Variants in PCDH17 observed in about 807,000 individuals in gnomAD.
The protein encoded by PCDH17 is protocadherin 17, also known as protocadherin-17.
Under a neutral mutation model 67.7 loss-of-function variants are expected in PCDH17, and 21 were observed. The ratio of observed to expected loss-of-function variants is 0.31; its 90% CI spans 0.22 to 0.45. The LOEUF is 0.45. Among genes scored for constraint, PCDH17 ranks in the 20% least tolerant of loss-of-function variants. The probability of loss-of-function intolerance (pLI) is 1.00; values close to 1 mark genes in which losing one functional copy is unlikely to be tolerated. For missense variants in PCDH17, 1,471 were observed against 1,564.8 expected, an observed-to-expected ratio of 0.94 and a Z score of 1.01; for synonymous variants, 701 against 656.7, an observed-to-expected ratio of 1.07 and a Z score of -1.03.
At chr13:57,704,701 A>G (rs770578487) in intron 3 of PCDH17, among the ~76,000 whole-genome samples, 1 of 152,084 alleles carries the variant, frequency 6.6e-6, no homozygotes, top group Non-Finnish European at 1.5e-5. Context: ...TTTCATTTAA[A>G]GAAATTGAAA....
At chr13:57,693,315 CATATATATATATATAT>C (rs59643529) in intron 3 of PCDH17, among the ~76,000 whole-genome samples, 1 of 89,360 alleles carries the variant, frequency 1.1e-5, no homozygotes, top group Admixed American at 1.2e-4. Flanking sequence ...CACTTACATT[CATATATATATATATAT>C]ATATATATAT....
chr13:57,654,798 A>T (rs1955083846), intron 1 of PCDH17, among the ~76,000 whole-genome samples: 1 of 152,018 alleles, frequency 6.6e-6, no homozygotes, highest in Admixed American at 6.5e-5. Flanking sequence ...TAAATGTGGT[A>T]TATATTCTTA....
intron 3 of PCDH17, among the ~76,000 whole-genome samples, chr13:57,676,200 A>G (rs1017467135): frequency 1.3e-5 from 2 of 151,920 alleles, no homozygotes; most frequent in Non-Finnish European, 2.9e-5. Flanking sequence ...GAACATTTGA[A>G]ATTTTTTTCC....
chr13:57,709,367 G>T (rs553292700), intron 3 of PCDH17, among the ~76,000 whole-genome samples: 1 of 151,708 alleles, frequency 6.6e-6, no homozygotes, highest in South Asian at 2.1e-4. Context: ...TTTATTTAAG[G>T]TTAATGAATG....
At chr13:57,653,295 G>A (rs557821122) in intron 1 of PCDH17, among the ~76,000 whole-genome samples, 1 of 152,170 alleles carries the variant, frequency 6.6e-6, no homozygotes, top group South Asian at 2.1e-4. Context: ...GAGCTGAATA[G>A]TTAGGAAGAA....
rs1955932043 is a variant in PCDH17, at chr13:57,728,637, T to C, written c.*3343T>C. 1 of 151,940 alleles carries C rather than the reference T, an allele frequency of 6.6e-6. No individual in the cohort carries two copies. The highest frequency in any genetic ancestry group is 1.5e-5 in the Non-Finnish European group (1 of 67,938). 9.4% of individuals were successfully genotyped at this position (151,940 alleles called of 1,614,324 possible). A position where few individuals can be genotyped will look rare whatever the true frequency, so the allele number is the denominator to read the frequency against. On this transcript the variant is annotated 3_prime_UTR_variant, in exon 4 of 4. Coordinates refer to ENST00000377918, the MANE Select transcript of PCDH17 (RefSeq NM_001040429.3). ...CATTAAAGAGACATATCATGCAATT[T>C]CAAAGAATTCTTTCATGCTATTTCT... is the stretch of plus-strand genomic sequence containing the variant.
chr13:57,631,395 C>T (rs941760503), upstream of PCDH17, among the ~76,000 whole-genome samples: 2 of 152,154 alleles, frequency 1.3e-5, no homozygotes, highest in African/African-American at 4.8e-5. Flanking sequence ...CGGCCTCCCC[C>T]CTCCTCCTTT....
intron 3 of PCDH17, among the ~76,000 whole-genome samples, chr13:57,719,252 A>G (rs1175681788): frequency 6.6e-6 from 1 of 152,084 alleles, no homozygotes; most frequent in Non-Finnish European, 1.5e-5. Flanking sequence ...TACCACAGTA[A>G]TAGGAGAACA....
Position 57,726,292 on chromosome 13 carries a change from T to C in PCDH17, c.*998T>C, listed in dbSNP as rs1955916095. 1 of 152,658 alleles carries C rather than the reference T, an allele frequency of 6.6e-6. No individual in the cohort carries two copies. The highest frequency in any genetic ancestry group is 2.4e-5 in the African/African-American group (1 of 41,462). 9.5% of individuals were successfully genotyped at this position (152,658 alleles called of 1,614,324 possible). A position where few individuals can be genotyped will look rare whatever the true frequency, so the allele number is the denominator to read the frequency against. On this transcript the variant is annotated 3_prime_UTR_variant, in exon 4 of 4. Transcript: ENST00000377918. ...TGTGCAAATGTAAGAAGATTCAATG[T>C]GTTTACATCAAATGACATATTTTAT...
chr13:57,721,091 C>T (rs558338484), intron 3 of PCDH17, among the ~76,000 whole-genome samples: 4 of 152,076 alleles, frequency 2.6e-5, no homozygotes, highest in Admixed American at 1.3e-4. Context: ...CAGAACTGCC[C>T]ACAGTCCCAC....
intron 3 of PCDH17, among the ~76,000 whole-genome samples, chr13:57,702,163 C>A (rs1301097828): frequency 6.6e-6 from 1 of 152,008 alleles, no homozygotes; most frequent in East Asian, 1.9e-4. Context: ...GGTGATCCAC[C>A]GCCTCGGCCT....
At chr13:57,675,403 A>G (rs1323964304) in intron 3 of PCDH17, among the ~76,000 whole-genome samples, 1 of 151,954 alleles carries the variant, frequency 6.6e-6, no homozygotes, top group Non-Finnish European at 1.5e-5. Context: ...CACGGAATAC[A>G]AAGATGAGCT....
upstream of PCDH17, among the ~76,000 whole-genome samples, chr13:57,631,042 G>T (rs1954712680): frequency 6.6e-6 from 1 of 151,856 alleles, no homozygotes; most frequent in Non-Finnish European, 1.5e-5. Context: ...TCCCTGAGTC[G>T]CCCAGAAAAA....
At chr13:57,705,909 G>A (rs1021647016) in intron 3 of PCDH17, among the ~76,000 whole-genome samples, 3 of 151,918 alleles carry the variant, frequency 2.0e-5, no homozygotes, top group Non-Finnish European at 4.4e-5. Context: ...CAGCTACTTG[G>A]GAGGCTGAGG....
At chr13:57,684,648 T>G (rs188405205) in intron 3 of PCDH17, among the ~76,000 whole-genome samples, 274 of 152,090 alleles carry the variant, frequency 1.8e-3, no homozygotes, top group African/African-American at 6.4e-3. Flanking sequence ...TTTTAAAATG[T>G]TGAATGTTGA....
intron 3 of PCDH17, among the ~76,000 whole-genome samples, chr13:57,697,726 A>G (rs61961899): frequency 6.6e-6 from 1 of 151,630 alleles, no homozygotes; most frequent in African/African-American, 2.4e-5. Flanking sequence ...AATAAAACAC[A>G]GACTATGTAT....
chr13:57,671,926 G>A (rs924461630), intron 3 of PCDH17, among the ~76,000 whole-genome samples: 1 of 151,878 alleles, frequency 6.6e-6, no homozygotes, highest in African/African-American at 2.4e-5. Context: ...CTGCTTCCCA[G>A]GGATTACCAT....
chr13:57,706,662 G>A (rs1185785220), intron 3 of PCDH17, among the ~76,000 whole-genome samples: 1 of 152,070 alleles, frequency 6.6e-6, no homozygotes, highest in African/African-American at 2.4e-5. Flanking sequence ...GTTTCTGCTA[G>A]TATAAAATTC....
chr13:57,651,099 T>C (rs1049779725), intron 1 of PCDH17, among the ~76,000 whole-genome samples: 1 of 152,188 alleles, frequency 6.6e-6, no homozygotes, highest in Non-Finnish European at 1.5e-5. Context: ...CCTATATCTC[T>C]TTCTACTTCT....
Sources: allele counts gnomAD v4.1 joint callset (sites outside exome capture counted in the v4.1 genomes callset), GRCh38; gene constraint gnomAD v4.1.1; transcripts MANE v1.5; gene names NCBI Gene and HGNC (gene_info 2026-07-23, HGNC 2026-07-21).